The following METTL25 variants were observed in gnomAD, a reference collection of about 807,000 sequenced individuals.
The protein encoded by METTL25 is methyltransferase like 25.
A neutral mutation model predicts 71.6 loss-of-function variants in METTL25; 64 were observed. That is an observed-to-expected ratio of 0.89 (90% CI 0.73 to 1.10). The LOEUF (loss-of-function observed/expected upper bound fraction) is 1.10. Among genes scored for constraint, METTL25 ranks in the 50% least tolerant of loss-of-function variants. The pLI, the probability that METTL25 is intolerant of heterozygous loss-of-function variation, is 0.00. For synonymous variants in METTL25, 287 were observed against 250.3 expected (o/e 1.15, Z -1.38); for missense variants, 807 against 707.0 (o/e 1.14, Z -1.60).
At chr12:82,436,369 T>C (rs1486486814) in intron 7 of METTL25, among the ~76,000 whole-genome samples, 1 of 151,474 alleles carries the variant, frequency 6.6e-6, no homozygotes, top group Non-Finnish European at 1.5e-5. Flanking sequence ...AAAATGTTAA[T>C]GTATCACTTA....
intron 3 of METTL25, among the ~76,000 whole-genome samples, chr12:82,393,623 C>A (rs950207455): frequency 6.6e-6 from 1 of 151,944 alleles, no homozygotes; most frequent in African/African-American, 2.4e-5. Context: ...CTTTCTCTTG[C>A]CTGATTGCTC....
At chr12:82,458,866 C>T (rs1300183387) in intron 9 of METTL25, among the ~76,000 whole-genome samples, 2 of 152,054 alleles carry the variant, frequency 1.3e-5, no homozygotes, top group African/African-American at 2.4e-5. Context: ...CCAACTCCAG[C>T]CTACTCTAGC....
intron 1 of METTL25, among the ~76,000 whole-genome samples, chr12:82,383,766 T>C (rs973267329): frequency 2.8e-4 from 42 of 152,208 alleles, no homozygotes; most frequent in African/African-American, 1.0e-3. Context: ...TAAAATATTA[T>C]ATGTTTTTCT....
At chr12:82,445,001 A>G (rs1433178329) in intron 8 of METTL25, among the ~76,000 whole-genome samples, 2 of 152,202 alleles carry the variant, frequency 1.3e-5, no homozygotes, top group African/African-American at 4.8e-5. Context: ...AGCAAAGTGT[A>G]TAACATGTAC....
In METTL25 at chr12:82,368,838, GATA is replaced by G. The variant is rs1810993654; in HGVS notation, c.259+10019_259+10021del. ...ATATAACCAGTCAGTGGGTCACCTA[GATA>G]ATAAATGATTCAACTTCCTACATGA... On this transcript the variant is annotated intron_variant, in intron 1 of 11. Transcript: ENST00000248306. Among the ~76,000 whole-genome samples the G allele has an allele frequency of 5.9e-5, 9 of 152,300 alleles. No individual in the cohort carries two copies. In the South Asian group the frequency reaches 1.9e-3, roughly 32 times the overall value.
chr12:82,446,253 A>G (rs551472094), intron 8 of METTL25, among the ~76,000 whole-genome samples: 1 of 152,194 alleles, frequency 6.6e-6, no homozygotes, highest in Non-Finnish European at 1.5e-5. Context: ...CACTTTTAGT[A>G]ATGTACCGAT....
intron 1 of METTL25, among the ~76,000 whole-genome samples, chr12:82,376,572 G>T (rs911376280): frequency 3.9e-5 from 6 of 152,248 alleles, no homozygotes; most frequent in Non-Finnish European, 5.9e-5. Context: ...TTTGACAACG[G>T]TTATTTCTCA....
intron 8 of METTL25, among the ~76,000 whole-genome samples, chr12:82,444,456 G>A (rs1243713208): frequency 6.6e-6 from 1 of 152,132 alleles, no homozygotes; most frequent in Non-Finnish European, 1.5e-5. Flanking sequence ...AAAATCAGCT[G>A]AAGGTATAAA....
chr12:82,385,156 T>C (rs1257227994), intron 1 of METTL25, among the ~76,000 whole-genome samples: 1 of 152,174 alleles, frequency 6.6e-6, no homozygotes, highest in African/African-American at 2.4e-5. Flanking sequence ...ATATATCTGC[T>C]GATTTTATTC....
At chr12:82,386,520 C>G (rs1036885269) in intron 1 of METTL25, among the ~76,000 whole-genome samples, 2 of 106,320 alleles carry the variant, frequency 1.9e-5, no homozygotes, top group African/African-American at 6.9e-5. Context: ...CCTTTTCTCT[C>G]TCTCTGTCTC....
intron 5 of METTL25, among the ~76,000 whole-genome samples, chr12:82,406,194 C>G (rs886564171): frequency 6.6e-6 from 1 of 152,112 alleles, no homozygotes; most frequent in African/African-American, 2.4e-5. Context: ...ATCGTGTTCA[C>G]CCTTAAATAA....
intron 5 of METTL25, among the ~76,000 whole-genome samples, chr12:82,424,607 A>G (rs1436774981): frequency 2.6e-5 from 4 of 152,026 alleles, no homozygotes; most frequent in Non-Finnish European, 4.4e-5. Flanking sequence ...AGAAGACTAT[A>G]GGATTCCAGA....
intron 2 of METTL25, among the ~76,000 whole-genome samples, chr12:82,387,534 C>T (rs552235624): frequency 6.6e-6 from 1 of 151,420 alleles, no homozygotes; most frequent in African/African-American, 2.4e-5. Context: ...TTATCTTACA[C>T]AAACCTCTTT....
At chr12:82,442,292 G>A (rs577274412) in intron 8 of METTL25, among the ~76,000 whole-genome samples, 2 of 152,244 alleles carry the variant, frequency 1.3e-5, no homozygotes, top group South Asian at 2.1e-4. Context: ...AATGTTTGTA[G>A]CAGCTTTATT....
At chr12:82,404,172 A>C (rs1886880357) in intron 5 of METTL25, among the ~76,000 whole-genome samples, 1 of 152,184 alleles carries the variant, frequency 6.6e-6, no homozygotes, top group Admixed American at 6.5e-5. Context: ...TGACATTTTT[A>C]TTTTAGGAAA....
intron 5 of METTL25, among the ~76,000 whole-genome samples, chr12:82,414,660 A>G (rs74668076): frequency 0.01 from 1,541 of 152,294 alleles, 18 homozygotes; most frequent in African/African-American, 0.036. Context: ...CTTTGTATAT[A>G]AAGTAATATG....
chr12:82,452,130 T>G (rs1181587614), intron 8 of METTL25, among the ~76,000 whole-genome samples: 1 of 152,170 alleles, frequency 6.6e-6, no homozygotes, highest in Non-Finnish European at 1.5e-5. Context: ...TAAAACATTA[T>G]TGGACCAAAA....
intron 5 of METTL25, among the ~76,000 whole-genome samples, chr12:82,417,085 T>C (rs1209373561): frequency 6.6e-6 from 1 of 152,092 alleles, no homozygotes; most frequent in East Asian, 1.9e-4. Flanking sequence ...CAGATACCCT[T>C]GAAGGATATT....
chr12:82,451,170 G>T, intron 8 of METTL25: 1 of 272,174 alleles, frequency 3.7e-6, no homozygotes, highest in Non-Finnish European at 5.6e-6. Context: ...GTCCTAAAGT[G>T]CAATGATTCT....
Sources: gnomAD v4.1 joint callset for allele counts (sites outside exome capture counted in the v4.1 genomes callset) on GRCh38, gnomAD v4.1.1 for gene constraint, MANE v1.5 for transcripts, NCBI Gene and HGNC (gene_info 2026-07-23, HGNC 2026-07-21) for gene names.